The following STK10 variants were observed in gnomAD, a reference collection of about 807,000 sequenced individuals.
STK10 encodes the protein serine/threonine kinase 10, also known as serine/threonine-protein kinase 10.
STK10 carries 78 observed loss-of-function variants against 113.8 expected under a neutral mutation model. The ratio of observed to expected loss-of-function variants is 0.69; its 90% CI spans 0.57 to 0.83. The LOEUF (loss-of-function observed/expected upper bound fraction) is 0.83, where lower values mean the gene tolerates loss of function less well. Ranked by LOEUF, STK10 falls within the 40% of genes least tolerant of loss-of-function variation. STK10 has a pLI of 0.00. For synonymous variants in STK10, 465 were observed against 494.7 expected, an observed-to-expected ratio of 0.94 and a Z score of 0.80; for missense variants, 1,109 against 1,280.1, an observed-to-expected ratio of 0.87 and a Z score of 2.04.
At chr5:172,116,565 C>T (rs1769388598) in intron 4 of STK10, among the ~76,000 whole-genome samples, 1 of 151,954 alleles carries the variant, frequency 6.6e-6, no homozygotes, top group Non-Finnish European at 1.5e-5. Flanking sequence ...AAAGAGGAGA[C>T]ATTTAAAGAA....
At chr5:172,149,500 G>A (rs1561826495) in intron 2 of STK10, among the ~76,000 whole-genome samples, 1 of 130,094 alleles carries the variant, frequency 7.7e-6, no homozygotes, top group Non-Finnish European at 1.5e-5. Context: ...GTGCTCGTGT[G>A]TGTGTGTGTG....
intron 10 of STK10, among the ~76,000 whole-genome samples, chr5:172,086,451 C>T (rs1768562138): frequency 6.6e-6 from 1 of 152,184 alleles, no homozygotes; most frequent in Admixed American, 6.5e-5. Flanking sequence ...GGCAGGCAGC[C>T]AGCTCTAGCA....
At chr5:172,138,804 A>G (rs1330324845) in intron 2 of STK10, among the ~76,000 whole-genome samples, 1 of 152,110 alleles carries the variant, frequency 6.6e-6, no homozygotes, top group Non-Finnish European at 1.5e-5. Flanking sequence ...CGAGGTCAGG[A>G]GATCGAGACC....
intron 2 of STK10, among the ~76,000 whole-genome samples, chr5:172,130,416 A>G (rs1769727421): frequency 6.6e-6 from 1 of 152,028 alleles, no homozygotes; most frequent in Admixed American, 6.6e-5. Context: ...CTGTAATCCC[A>G]GCTACTTGGG....
Position 172,188,073 on chromosome 5 carries a change from T to C in STK10, c.-31A>G. The stretch of plus-strand genomic sequence containing the variant: ...GGGGCGCGGTGGCGCCGGCTCGGGC[T>C]CGGGCTCGGGCTCGGGCTGTGGCTT... On this transcript the variant is annotated 5_prime_UTR_variant, in exon 1 of 19. Transcript: ENST00000176763. This position sits in a 1 kb window ranked among gnomAD's most constrained non-coding sequence, Gnocchi z 5.6. 7 of 1,596,270 alleles carry C rather than the reference T, an allele frequency of 4.4e-6. No homozygotes were observed. The highest frequency in any genetic ancestry group is 6.0e-6 in the Non-Finnish European group (7 of 1,171,628).
At chr5:172,059,018 T>C (rs1394298009) in intron 14 of STK10, among the ~76,000 whole-genome samples, 1 of 149,846 alleles carries the variant, frequency 6.7e-6, no homozygotes, top group Admixed American at 6.6e-5. Context: ...GGTCAGGAGA[T>C]TGAGACCATC....
At chr5:172,105,397 C>T (rs1769076943) in intron 7 of STK10, among the ~76,000 whole-genome samples, 1 of 152,108 alleles carries the variant, frequency 6.6e-6, no homozygotes, top group African/African-American at 2.4e-5. Flanking sequence ...CTGCCACGCA[C>T]ACATACTTGC....
At chr5:172,072,461 T>A (rs1176487405) in intron 12 of STK10, among the ~76,000 whole-genome samples, 1 of 152,052 alleles carries the variant, frequency 6.6e-6, no homozygotes, top group Non-Finnish European at 1.5e-5. Flanking sequence ...AGAGATGGGG[T>A]TTCACCCTGT....
intron 2 of STK10, among the ~76,000 whole-genome samples, chr5:172,128,359 TAGAC>T (rs1454839228): frequency 6.8e-6 from 1 of 147,662 alleles, no homozygotes; most frequent in African/African-American, 2.6e-5. Flanking sequence ...TTTTTTTTTT[TAGAC>T]AGACTCTCGC....
chr5:172,099,008 C>CCAT (rs201269452), intron 7 of STK10, among the ~76,000 whole-genome samples: 11,984 of 149,574 alleles, frequency 0.08, 1,686 homozygotes, highest in African/African-American at 0.28. Context: ...ATTACCATTA[C>CCAT]CATCATCATC....
chr5:172,093,384 A>G lies in STK10; in HGVS notation c.1554+28T>C. 1.3e-6 allele frequency: 2 copies of G among 1,558,776 alleles called. No homozygotes were observed. The highest frequency in any genetic ancestry group is 2.7e-5 in the African/African-American group (2 of 73,426). On this transcript the variant is annotated intron_variant, in intron 9 of 18. Transcript: ENST00000176763. This position sits in a 1 kb window ranked among gnomAD's most constrained non-coding sequence, Gnocchi z 4.1. The stretch of plus-strand genomic sequence containing the variant: ...GAACATCCTGCAATGGTCTTGCTGC[A>G]AGCCCGTGGTGGCAGAGGCGGTGTT...
At chr5:172,145,748 G>A (rs536924798) in intron 2 of STK10, among the ~76,000 whole-genome samples, 1 of 152,350 alleles carries the variant, frequency 6.6e-6, no homozygotes, top group East Asian at 1.9e-4. Flanking sequence ...TCTGTAAAGT[G>A]GGGGTGATGG....
At chr5:172,085,007 G>A (rs1286117483) in intron 10 of STK10, among the ~76,000 whole-genome samples, 1 of 152,158 alleles carries the variant, frequency 6.6e-6, no homozygotes, top group Admixed American at 6.6e-5. Flanking sequence ...TACTTTGGGA[G>A]GCCGAGTTGG....
chr5:172,186,621 C>CA (rs1017962919), intron 1 of STK10, among the ~76,000 whole-genome samples: 18 of 146,192 alleles, frequency 1.2e-4, no homozygotes, highest in Middle Eastern at 3.4e-3. Flanking sequence ...AACCCTGTCT[C>CA]AAAAAAAAGA....
At chr5:172,171,234 G>A (rs1218529515) in intron 1 of STK10, among the ~76,000 whole-genome samples, 3 of 152,134 alleles carry the variant, frequency 2.0e-5, no homozygotes, top group Admixed American at 6.5e-5. Context: ...GGTATTCTGC[G>A]GTGGGACGTT....
chr5:172,157,465 A>G (rs1328594038), intron 1 of STK10, among the ~76,000 whole-genome samples: 1 of 152,162 alleles, frequency 6.6e-6, no homozygotes, highest in Non-Finnish European at 1.5e-5. Context: ...CTGAAGCAGG[A>G]GAATCGCTTG....
chr5:172,169,561 G>T lies in STK10; in HGVS notation c.157-12773C>A, dbSNP rs116132002. 6.9e-3 allele frequency among the ~76,000 whole-genome samples: 1,054 copies of T among 152,260 alleles called. 19 individuals are homozygous for T. The highest frequency in any genetic ancestry group is 0.024 in the African/African-American group (984 of 41,540). ...AGGATGGACAGATGCATGGGAGAGT[G>T]AGTTGGCAGGGGCATGAATGGGTGT... On this transcript the variant is annotated intron_variant, in intron 1 of 18. Transcript: ENST00000176763.
chr5:172,181,801 A>C (rs1434438706), intron 1 of STK10, among the ~76,000 whole-genome samples: 1 of 151,932 alleles, frequency 6.6e-6, no homozygotes, highest in East Asian at 1.9e-4. Context: ...ACAGAGCAAG[A>C]CTCTGTCTAA....
Position 172,120,850 on chromosome 5 carries a change from CTAA to C in STK10, c.371-3223_371-3221del, listed in dbSNP as rs1454449616. 6.6e-6 allele frequency among the ~76,000 whole-genome samples: 1 copy of C among 152,108 alleles called. No individual in the cohort carries two copies. The highest frequency in any genetic ancestry group is 2.4e-5 in the African/African-American group (1 of 41,420). ...AAATGAAATAGGAATGACAAAAATA[CTAA>C]TGATGATGATGAAGATAATTATGAT... On this transcript the variant is annotated intron_variant, in intron 3 of 18. Coordinates refer to ENST00000176763, the MANE Select transcript of STK10 (RefSeq NM_005990.4). The surrounding 1 kb of genome is among the most constrained non-coding windows in gnomAD (Gnocchi z 4.0).
Sources: allele counts gnomAD v4.1 joint callset (sites outside exome capture counted in the v4.1 genomes callset), GRCh38; gene constraint gnomAD v4.1.1; non-coding constraint Gnocchi (gnomAD v3.1); transcripts MANE v1.5; gene names NCBI Gene and HGNC (gene_info 2026-07-23, HGNC 2026-07-21).